Variants in AKAP6 observed in about 807,000 individuals in gnomAD.
The protein encoded by AKAP6 is A-kinase anchoring protein 6.
AKAP6 carries 58 observed loss-of-function variants against 188.5 expected under a neutral mutation model. That is an observed-to-expected ratio of 0.31 (90% CI 0.25 to 0.38). The LOEUF (loss-of-function observed/expected upper bound fraction) is 0.38. AKAP6 is among the 10% of genes least tolerant of loss of function. The probability of loss-of-function intolerance (pLI) is 1.00; values close to 1 mark genes in which losing one functional copy is unlikely to be tolerated. For missense variants in AKAP6, 2,710 were observed against 2,740.0 expected (o/e 0.99, Z 0.24); for synonymous variants, 989 against 998.6 (o/e 0.99, Z 0.18).
At chr14:32,754,453 A>G (rs1302876244) in intron 11 of AKAP6, among the ~76,000 whole-genome samples, 1 of 152,134 alleles carries the variant, frequency 6.6e-6, no homozygotes. Context: ...GTAATGTAAA[A>G]TGTATTCATT....
At chr14:32,758,632 C>T (rs545112372) in intron 11 of AKAP6, among the ~76,000 whole-genome samples, 69 of 152,200 alleles carry the variant, frequency 4.5e-4, no homozygotes, top group African/African-American at 1.6e-3. Flanking sequence ...GCTTGGGAGG[C>T]TGAGGCAGGA....
At chr14:32,744,154 A>G (rs113970102) in intron 11 of AKAP6, among the ~76,000 whole-genome samples, 281 of 152,044 alleles carry the variant, frequency 1.8e-3, no homozygotes, top group African/African-American at 6.3e-3. Flanking sequence ...TGCCTGCCAT[A>G]TTGGAGCTCC....
At chr14:32,430,554 G>A (rs1015761836) in intron 1 of AKAP6, among the ~76,000 whole-genome samples, 6 of 152,078 alleles carry the variant, frequency 3.9e-5, no homozygotes, top group Admixed American at 1.3e-4. Context: ...AGGGTTTTGC[G>A]GTGAGTGTGT....
chr14:32,563,676 A>T (rs564593666), intron 4 of AKAP6, among the ~76,000 whole-genome samples: 6 of 152,254 alleles, frequency 3.9e-5, no homozygotes, highest in Admixed American at 3.9e-4. Flanking sequence ...GGGACCTGTG[A>T]TGGCCACCCC....
At chr14:32,700,585 T>G (rs1290900713) in intron 9 of AKAP6, among the ~76,000 whole-genome samples, 2 of 152,242 alleles carry the variant, frequency 1.3e-5, no homozygotes, top group Non-Finnish European at 2.9e-5. Flanking sequence ...ATATTTTTAC[T>G]ATACCTTTTC....
intron 3 of AKAP6, among the ~76,000 whole-genome samples, chr14:32,541,998 AAAT>A (rs1358103161): frequency 6.6e-6 from 1 of 152,198 alleles, no homozygotes; most frequent in Non-Finnish European, 1.5e-5. Flanking sequence ...TCATTATTAA[AAAT>A]AATAACGTAA....
intron 12 of AKAP6, among the ~76,000 whole-genome samples, chr14:32,819,974 G>C (rs1013255056): frequency 6.6e-6 from 1 of 151,570 alleles, no homozygotes; most frequent in Non-Finnish European, 1.5e-5. Flanking sequence ...ATATATATAT[G>C]TATGGCCACC....
At chr14:32,738,303 A>G (rs563032880) in intron 11 of AKAP6, among the ~76,000 whole-genome samples, 1 of 152,264 alleles carries the variant, frequency 6.6e-6, no homozygotes, top group Non-Finnish European at 1.5e-5. Flanking sequence ...CAAATTCATT[A>G]TTCTAAAGAC....
intron 2 of AKAP6, among the ~76,000 whole-genome samples, chr14:32,469,601 C>T (rs1241602729): frequency 6.6e-6 from 1 of 151,968 alleles, no homozygotes; most frequent in Non-Finnish European, 1.5e-5. Context: ...TATTGTAGCA[C>T]CACCTACTGT....
intron 4 of AKAP6, among the ~76,000 whole-genome samples, chr14:32,567,372 GT>G: frequency 6.6e-6 from 1 of 152,232 alleles, no homozygotes; most frequent in South Asian, 2.1e-4. Flanking sequence ...AAACAGATGT[GT>G]TTAGATAATA....
intron 9 of AKAP6, among the ~76,000 whole-genome samples, chr14:32,731,468 T>C (rs1350084497): frequency 6.6e-6 from 1 of 152,104 alleles, no homozygotes; most frequent in Non-Finnish European, 1.5e-5. Context: ...TAGGGCACCG[T>C]TGGTCATGTA....
At chr14:32,604,974 A>G (rs1020966729) in intron 7 of AKAP6, among the ~76,000 whole-genome samples, 1 of 151,910 alleles carries the variant, frequency 6.6e-6, no homozygotes, top group Non-Finnish European at 1.5e-5. Flanking sequence ...CTCTCCCCGC[A>G]CCTGTCCCCT....
In AKAP6 at chr14:32,822,013, A is replaced by T. The variant is rs745988669; in HGVS notation, c.4200A>T (p.Pro1400=). The T allele has an allele frequency of 1.2e-6, 2 of 1,614,002 alleles. No individual in the cohort carries two copies. The highest frequency in any genetic ancestry group is 2.2e-5 in the South Asian group (2 of 91,084). ...PSNLETEHLD[P]QMGDAVNVLK... ...ACCTTGAAACTGAACATCTGGACCC[A>T]CAAATGGGAGATGCAGTTAACGTGT... The change falls in exon 13 of 14, where the codon CCA becomes CCT. Residue 1400 remains proline, a synonymous_variant. Coordinates refer to ENST00000280979, the MANE Select transcript of AKAP6 (RefSeq NM_004274.5).
chr14:32,415,154 T>C (rs1274193213), intron 1 of AKAP6, among the ~76,000 whole-genome samples: 1 of 152,208 alleles, frequency 6.6e-6, no homozygotes, highest in African/African-American at 2.4e-5. Flanking sequence ...GATATTGCAT[T>C]ACACTGGTAC....
chr14:32,671,922 C>A (rs1242097883), intron 7 of AKAP6, among the ~76,000 whole-genome samples: 1 of 152,090 alleles, frequency 6.6e-6, no homozygotes, highest in Admixed American at 6.5e-5. Flanking sequence ...CTTTTTATGA[C>A]AAAGATAAAG....
chr14:32,582,911 T>C (rs1386957461), intron 5 of AKAP6, among the ~76,000 whole-genome samples: 2 of 152,028 alleles, frequency 1.3e-5, no homozygotes, highest in African/African-American at 4.8e-5. Context: ...TCAAAGTTTT[T>C]AACTTCTTTG....
At chr14:32,547,509 A>G (rs1883254275) in intron 4 of AKAP6, among the ~76,000 whole-genome samples, 1 of 152,138 alleles carries the variant, frequency 6.6e-6, no homozygotes, top group Admixed American at 6.6e-5. Context: ...CCTCTTTGAG[A>G]ACTCTGGCTA....
At chr14:32,604,629 G>A (rs960999456) in intron 7 of AKAP6, among the ~76,000 whole-genome samples, 29 of 152,222 alleles carry the variant, frequency 1.9e-4, no homozygotes, top group African/African-American at 6.3e-4. Context: ...CTTACTAGCT[G>A]TGTGTTCCTG....
At chr14:32,785,612 AG>A in intron 12 of AKAP6, among the ~76,000 whole-genome samples, 1 of 152,168 alleles carries the variant, frequency 6.6e-6, no homozygotes, top group Admixed American at 6.5e-5. Context: ...TGTGAAGCTT[AG>A]TTGGGGAAGT....
Sources: allele counts gnomAD v4.1 joint callset (sites outside exome capture counted in the v4.1 genomes callset), GRCh38; gene constraint gnomAD v4.1.1; transcripts MANE v1.5; gene names NCBI Gene and HGNC (gene_info 2026-07-23, HGNC 2026-07-21).